Variants in WWOX observed in about 807,000 individuals in gnomAD.
The protein encoded by WWOX is WW domain containing oxidoreductase, also known as WW domain-containing oxidoreductase.
Under a neutral mutation model 46.2 loss-of-function variants are expected in WWOX, and 69 were observed. The observed-to-expected ratio is 1.49, with a 90% CI of 1.23 to 1.82. The LOEUF (loss-of-function observed/expected upper bound fraction) is 1.82, where lower values mean the gene tolerates loss of function less well. Among genes scored for constraint, WWOX ranks in the 40% most tolerant of loss-of-function variants. The pLI is 0.00. For missense variants in WWOX, 919 were observed against 542.6 expected, an observed-to-expected ratio of 1.69 and a Z score of -6.89; for synonymous variants, 359 against 202.6, an observed-to-expected ratio of 1.77 and a Z score of -6.56.
intron 8 of WWOX, among the ~76,000 whole-genome samples, chr16:78,575,862 A>G (rs578103351): frequency 4.0e-4 from 61 of 152,188 alleles, no homozygotes; most frequent in Non-Finnish European, 6.9e-4. Context: ...ATTTTTAAAC[A>G]TGTAAAAAAA....
chr16:78,176,867 C>T (rs536385668), intron 5 of WWOX, among the ~76,000 whole-genome samples: 33 of 152,258 alleles, frequency 2.2e-4, no homozygotes, highest in African/African-American at 7.9e-4. Flanking sequence ...GGATAGGATG[C>T]ATTTGCAGTG....
In WWOX at chr16:78,793,107, C is replaced by G. The variant is rs118071621; in HGVS notation, c.1056+360355C>G. ...CTATTTTTTGAGAAAGGCTCTCACTCTGTTGCTCAGGCTGGAGTGAAGTGA... is the reference window on the plus strand; with the variant it reads ...CTATTTTTTGAGAAAGGCTCTCACTGTGTTGCTCAGGCTGGAGTGAAGTGA... On this transcript the variant is annotated intron_variant, in intron 8 of 8. Transcript: ENST00000566780. Among the ~76,000 whole-genome samples, 272 of 152,310 alleles carry G rather than the reference C, an allele frequency of 1.8e-3. 1 individual carries two copies. The highest frequency in any genetic ancestry group is 3.0e-3 in the Non-Finnish European group (207 of 68,040).
chr16:78,107,844 A>G (rs568156957), intron 1 of WWOX, among the ~76,000 whole-genome samples: 16 of 152,306 alleles, frequency 1.1e-4, no homozygotes, highest in African/African-American at 3.8e-4. Flanking sequence ...TTAAGAGATT[A>G]TATAAATTAG....
chr16:78,279,419 C>T (rs1358215421), intron 5 of WWOX, among the ~76,000 whole-genome samples: 1 of 152,024 alleles, frequency 6.6e-6, no homozygotes, highest in African/African-American at 2.4e-5. Context: ...AAGAAATATT[C>T]CCAAAGTATA....
chr16:78,209,044 A>T (rs925615614), intron 5 of WWOX, among the ~76,000 whole-genome samples: 1 of 152,180 alleles, frequency 6.6e-6, no homozygotes, highest in Non-Finnish European at 1.5e-5. Flanking sequence ...ATTTGAATGT[A>T]TATACATATG....
intron 8 of WWOX, among the ~76,000 whole-genome samples, chr16:78,876,880 A>G (rs2044244733): frequency 6.6e-6 from 1 of 152,202 alleles, no homozygotes; most frequent in Non-Finnish European, 1.5e-5. Flanking sequence ...GGGGCATAAA[A>G]TAAGATAACA....
chr16:78,525,556 A>G (rs984013887), intron 8 of WWOX: 21 of 152,184 alleles, frequency 1.4e-4, no homozygotes, highest in African/African-American at 4.8e-4. Context: ...TTACTTTTCC[A>G]TAAGGATTGA....
At chr16:78,639,854 C>G (rs1427908723) in intron 8 of WWOX, among the ~76,000 whole-genome samples, 1 of 152,136 alleles carries the variant, frequency 6.6e-6, no homozygotes, top group African/African-American at 2.4e-5. Context: ...GTGTGAGCCA[C>G]CATGCTAGGC....
chr16:78,850,378 A>G (rs1053372045), intron 8 of WWOX, among the ~76,000 whole-genome samples: 3 of 152,174 alleles, frequency 2.0e-5, no homozygotes, highest in Non-Finnish European at 4.4e-5. Context: ...TTATAGCACA[A>G]GTGTCTTCCC....
intron 8 of WWOX, chr16:79,101,396 A>T (rs1417686884): frequency 2.0e-5 from 3 of 152,268 alleles, no homozygotes. Flanking sequence ...AATTTGGTAA[A>T]TTCCCCAAAT....
At chr16:78,946,387 C>T (rs1266148699) in intron 8 of WWOX, among the ~76,000 whole-genome samples, 3 of 152,056 alleles carry the variant, frequency 2.0e-5, no homozygotes, top group South Asian at 2.1e-4. Flanking sequence ...GACGGGGTTT[C>T]ACCATGTTGG....
chr16:78,737,486 A>G (rs1482357038), intron 8 of WWOX, among the ~76,000 whole-genome samples: 2 of 151,958 alleles, frequency 1.3e-5, no homozygotes, highest in Non-Finnish European at 2.9e-5. Context: ...GTTTGGTTAC[A>G]TGAATAAGTT....
At chr16:78,520,012 G>GA (rs1226523797) in intron 8 of WWOX, among the ~76,000 whole-genome samples, 1 of 152,178 alleles carries the variant, frequency 6.6e-6, no homozygotes, top group East Asian at 1.9e-4. Flanking sequence ...TTTCCACACT[G>GA]AGAACATACT....
intron 8 of WWOX, among the ~76,000 whole-genome samples, chr16:78,434,114 A>G (rs1002269125): frequency 6.6e-6 from 1 of 152,174 alleles, no homozygotes; most frequent in Admixed American, 6.5e-5. Context: ...AAACCACATC[A>G]AAAGTCTTTT....
At chr16:78,106,238 TTGAGACACAGCTC>T (rs2032135764) in intron 1 of WWOX, among the ~76,000 whole-genome samples, 2 of 152,286 alleles carry the variant, frequency 1.3e-5, no homozygotes, top group South Asian at 4.1e-4. Context: ...TTGAAGAAGC[TTGAGACACAGCTC>T]TGCAAGGGGC....
chr16:78,220,928 C>T (rs2036867086), intron 5 of WWOX, among the ~76,000 whole-genome samples: 1 of 152,172 alleles, frequency 6.6e-6, no homozygotes, highest in Non-Finnish European at 1.5e-5. Context: ...GAGAAGCTTG[C>T]ATTTATTACT....
rs371364838 is a variant in WWOX at position 78,432,588 on chromosome 16, C to G, written c.892C>G (p.Leu298Val). Residue 298 changes from leucine (L) to valine (V), a missense_variant, in exon 8 of 9, where the codon CTC (leucine) becomes GTC (valine). Coordinates refer to ENST00000566780, the MANE Select transcript of WWOX (RefSeq NM_016373.4). Reference sequence around the variant, plus strand: ...GATGCTGGCTTATAACAGGTCCAAGCTCTGCAACATCCTCTTCTCCAACGA... The same window carrying G: ...GATGCTGGCTTATAACAGGTCCAAGGTCTGCAACATCCTCTTCTCCAACGA... The part of the protein sequence containing the change: ...WAMLAYNRSK[L>V]CNILFSNELH... The G allele has an allele frequency of 3.1e-6, 5 of 1,614,186 alleles. No homozygotes were observed. The South Asian group carries it at 5.5e-5, about 18-fold the overall frequency.
chr16:78,281,940 C>G (rs534355443), intron 5 of WWOX, among the ~76,000 whole-genome samples: 8 of 152,312 alleles, frequency 5.3e-5, no homozygotes, highest in African/African-American at 1.4e-4. Context: ...GGAAAATTCT[C>G]TCCAAATGGG....
chr16:78,475,683 CCTT>C (rs1460344984), intron 8 of WWOX, among the ~76,000 whole-genome samples: 1 of 152,116 alleles, frequency 6.6e-6, no homozygotes, highest in Non-Finnish European at 1.5e-5. Context: ...GCAACCTACA[CCTT>C]CTGGGTTCAA....
Sources: allele counts gnomAD v4.1 joint callset (sites outside exome capture counted in the v4.1 genomes callset), GRCh38; gene constraint gnomAD v4.1.1; transcripts MANE v1.5; gene names NCBI Gene and HGNC (gene_info 2026-07-23, HGNC 2026-07-21).